The following MAD2L2 variants were observed in gnomAD, a reference collection of about 807,000 sequenced individuals.
MAD2L2 encodes the protein mitotic arrest deficient 2 like 2.
MAD2L2 carries 17 observed loss-of-function variants against 30.5 expected under a neutral mutation model. That is an observed-to-expected ratio of 0.56 (90% CI 0.38 to 0.84). The LOEUF is 0.84. MAD2L2 is among the 40% of genes least tolerant of loss of function. MAD2L2 has a pLI of 0.00. For synonymous variants in MAD2L2, 101 were observed against 113.9 expected, an observed-to-expected ratio of 0.89 and a Z score of 0.72; for missense variants, 213 against 277.4, an observed-to-expected ratio of 0.77 and a Z score of 1.65.
chr1:11,689,183 G>C (rs1570297996), intron 1 of MAD2L2, among the ~76,000 whole-genome samples: 1 of 150,814 alleles, frequency 6.6e-6, no homozygotes, highest in East Asian at 2.0e-4. Context: ...TGTAACCCCA[G>C]CTAACTGGGA....
Position 11,676,026 on chromosome 1 carries a change from A to C in MAD2L2, c.427+20T>G. 6.2e-7 allele frequency: 1 copy of C among 1,601,162 alleles called. No individual in the cohort carries two copies. The highest frequency in any genetic ancestry group is 8.6e-7 in the Non-Finnish European group (1 of 1,168,702). ...AACCATGGAAATGCCAAGGGAAGAGAGGGTGGGGAGTGGACACACCTGGGG... is the reference window on the plus strand; with the variant it reads ...AACCATGGAAATGCCAAGGGAAGAGCGGGTGGGGAGTGGACACACCTGGGG... On this transcript the variant is annotated intron_variant, in intron 6 of 8. Transcript: ENST00000376692.
rs915400901 is a variant in MAD2L2, at chr1:11,675,641, G to A, written c.501+17C>T. 6.2e-7 allele frequency: 1 copy of A among 1,613,126 alleles called. No homozygotes were observed. ...TTTCTAGAGCCTGCGCCCAGACCCA[G>A]ACCCATCTCATCTCACCTTGATGAC... On this transcript the variant is annotated intron_variant, in intron 7 of 8. Transcript: ENST00000376692.
At chr1:11,685,073 G>A (rs1170064410), upstream of MAD2L2, among the ~76,000 whole-genome samples, 2 of 151,976 alleles carry the variant, frequency 1.3e-5, no homozygotes, top group African/African-American at 4.8e-5. Context: ...GATTACAGGT[G>A]TGCACCACCA....
At chr1:11,684,804 A>C (rs1430713330), upstream of MAD2L2, among the ~76,000 whole-genome samples, 1 of 152,126 alleles carries the variant, frequency 6.6e-6, no homozygotes, top group Admixed American at 6.6e-5. Flanking sequence ...TAGCCTGGTG[A>C]CAATCTCCTG....
Position 11,686,807 on chromosome 1 carries a change from T to TAAA in MAD2L2, c.-692+4603_-692+4605dup, listed in dbSNP as rs560855200. 3.0e-3 allele frequency among the ~76,000 whole-genome samples: 309 copies of TAAA among 104,424 alleles called. 2 individuals are homozygous for TAAA. The highest frequency in any genetic ancestry group is 0.023 in the East Asian group (74 of 3,162). 68.5% of individuals were successfully genotyped at this position (104,424 alleles called of 152,430 possible). A position where few individuals can be genotyped will look rare whatever the true frequency, so the allele number is the denominator to read the frequency against. ...TTTTGATCCAGCTCAACTGCCACTT[T>TAAA]AAAAAAAAAAAAAAAAAAAAAAAAC... On this transcript the variant is annotated intron_variant, in intron 1 of 10. Coordinates refer to the MAD2L2 transcript ENST00000235310.
chr1:11,680,006 T>C (rs1640842216), intron 3 of MAD2L2, among the ~76,000 whole-genome samples: 1 of 120,392 alleles, frequency 8.3e-6, no homozygotes, highest in Non-Finnish European at 1.7e-5. Flanking sequence ...TTTTTTTTTT[T>C]TTTTTTGAGA....
In MAD2L2 at chr1:11,675,815, G is replaced by A. The variant is rs536427641; in HGVS notation, c.428-84C>T. The A allele has an allele frequency of 1.2e-4, 146 of 1,208,016 alleles. No homozygotes were observed. In the African/African-American group the frequency reaches 1.9e-3, roughly 16 times the overall value. 74.8% of individuals were successfully genotyped at this position (1,208,016 alleles called of 1,614,324 possible). ...CCAGCCTCTTCCCACTTCCCTTGCT[G>A]GCTCAGCAGCACCCCCAGAGCAGAT... On this transcript the variant is annotated intron_variant, in intron 6 of 8. Coordinates refer to ENST00000376692, the MANE Select transcript of MAD2L2 (RefSeq NM_006341.4).
At chr1:11,689,037 T>C (rs1570297863) in intron 1 of MAD2L2, among the ~76,000 whole-genome samples, 1 of 152,178 alleles carries the variant, frequency 6.6e-6, no homozygotes, top group Non-Finnish European at 1.5e-5. Flanking sequence ...GGCTTACCCC[T>C]GTAACCCTAG....
chr1:11,674,906 A>G lies in MAD2L2; in HGVS notation c.595-90T>C. On this transcript the variant is annotated intron_variant, in intron 8 of 8. Transcript: ENST00000376692. The surrounding 1 kb of genome is among the most constrained non-coding windows in gnomAD (Gnocchi z 6.1). ...AGAAGCCCCTGGTGGGCAGACCTCC[A>G]CCACAGGTGGGGCCTCGTGGCCATA... 1 of 1,498,778 alleles carries G rather than the reference A, an allele frequency of 6.7e-7. No individual in the cohort carries two copies. The allele number at this position is 1,498,778 out of a possible 1,614,324, so 92.8% of individuals were successfully genotyped here. A position where few individuals can be genotyped will look rare whatever the true frequency, so the allele number is the denominator to read the frequency against.
In MAD2L2 at chr1:11,680,391, T is replaced by C. The variant is rs773563801; in HGVS notation, c.121A>G (p.Ile41Val). Residue 41 changes from isoleucine to valine, a missense_variant, in exon 3 of 9, where the codon ATC becomes GTC. By Grantham distance (29) the Ile-to-Val change is conservative. Transcript: ENST00000376692. ...LYVREVYPVG[I>V]FQKRKKYNVP... is the part of the protein sequence containing the mutation. Reference sequence around the variant, plus strand: ...TTGTACTTCTTGCGTTTCTGGAAGATGCCCACGGGGTAGACCTCGCGCACG... The same window carrying C: ...TTGTACTTCTTGCGTTTCTGGAAGACGCCCACGGGGTAGACCTCGCGCACG... 6 of 1,613,906 alleles carry C rather than the reference T, an allele frequency of 3.7e-6. No individual in the cohort carries two copies. Among genetic ancestry groups the C allele is most frequent in the Admixed American group, 1.7e-5 (1 of 59,984 alleles).
intron 1 of MAD2L2, among the ~76,000 whole-genome samples, chr1:11,689,558 T>G (rs1641024193): frequency 1.3e-5 from 2 of 151,888 alleles, no homozygotes; most frequent in African/African-American, 4.8e-5. Flanking sequence ...ATTGTGCCAC[T>G]GCACTCCAGC....
rs1211408517 is a variant in MAD2L2 at position 11,676,571 on chromosome 1, G to C, written c.332+277C>G. The stretch of plus-strand genomic sequence containing the variant: ...TTGACCAACTAACGCATGTGCCAGA[G>C]GTCAACTTCGAGTTGACTGGACACT... On this transcript the variant is annotated intron_variant, in intron 5 of 8. Transcript: ENST00000376692. Among the ~76,000 whole-genome samples the C allele has an allele frequency of 2.0e-5, 3 of 152,178 alleles. No individual in the cohort carries two copies. The East Asian group carries it at 5.8e-4, about 29-fold the overall frequency.
upstream of MAD2L2, among the ~76,000 whole-genome samples, chr1:11,683,999 G>C (rs933655834): frequency 6.6e-6 from 1 of 152,090 alleles, no homozygotes; most frequent in African/African-American, 2.4e-5. Flanking sequence ...TCTGGGTTTG[G>C]GGCCTTGGGT....
At chr1:11,683,764 G>A (rs1038726882), upstream of MAD2L2, among the ~76,000 whole-genome samples, 1 of 152,140 alleles carries the variant, frequency 6.6e-6, no homozygotes. Flanking sequence ...CTGAGGTCAG[G>A]AGTTTGAGAT....
At chr1:11,689,385 G>A (rs1641021092) in intron 1 of MAD2L2, among the ~76,000 whole-genome samples, 1 of 151,698 alleles carries the variant, frequency 6.6e-6, no homozygotes, top group African/African-American at 2.4e-5. Context: ...ATCACCTGAG[G>A]TCAGGAGTTC....
chr1:11,674,728 C>T lies in MAD2L2; in HGVS notation c.*47G>A. 1 of 1,600,440 alleles carries T rather than the reference C, an allele frequency of 6.2e-7. No individual in the cohort carries two copies. On this transcript the variant is annotated 3_prime_UTR_variant, in exon 9 of 9. Coordinates refer to ENST00000376692, the MANE Select transcript of MAD2L2 (RefSeq NM_006341.4). This position sits in a 1 kb window ranked among gnomAD's most constrained non-coding sequence, Gnocchi z 6.1. ...TGCAGCACTGCCCTAGGCGGGGATC[C>T]CCCAAAGTCTGACAGTTTGGGCATC...
At chr1:11,689,834 C>T (rs936727152) in intron 1 of MAD2L2, among the ~76,000 whole-genome samples, 1 of 151,978 alleles carries the variant, frequency 6.6e-6, no homozygotes, top group African/African-American at 2.4e-5. Context: ...TGGGTCAGGA[C>T]CCCTTTCCTG....
chr1:11,684,123 G>A (rs958431742), upstream of MAD2L2, among the ~76,000 whole-genome samples: 1 of 152,140 alleles, frequency 6.6e-6, no homozygotes, highest in Non-Finnish European at 1.5e-5. Flanking sequence ...GAAATGAACA[G>A]GCCAGATAGA....
At position 11,687,759 on chromosome 1, in the gene MAD2L2, A is replaced by G. The variant is rs889939117; in HGVS notation, c.-692+3654T>C. The stretch of plus-strand genomic sequence containing the variant: ...ATGTCTGGCTTGTTCCACTTAGCAT[A>G]ATGTTTTCAAGATTCATCCAGGTCG... On this transcript the variant is annotated intron_variant, in intron 1 of 10. Coordinates refer to the MAD2L2 transcript ENST00000235310. This position sits in a 1 kb window ranked among gnomAD's most constrained non-coding sequence, Gnocchi z 4.1. Among the ~76,000 whole-genome samples, 5 of 152,230 alleles carry G rather than the reference A, an allele frequency of 3.3e-5. No homozygotes were observed. Among genetic ancestry groups the G allele is most frequent in the Non-Finnish European group, 5.9e-5 (4 of 68,030 alleles).
Sources: gnomAD v4.1 joint callset for allele counts (sites outside exome capture counted in the v4.1 genomes callset) on GRCh38, gnomAD v4.1.1 for gene constraint, Gnocchi (gnomAD v3.1) non-coding constraint, MANE v1.5 for transcripts, NCBI Gene and HGNC (gene_info 2026-07-23, HGNC 2026-07-21) for gene names.